Variants in KIF15 observed in about 807,000 individuals in gnomAD.
KIF15 encodes kinesin-like protein KIF15.
Under a neutral mutation model 190.6 loss-of-function variants are expected in KIF15, and 140 were observed. The ratio of observed to expected loss-of-function variants is 0.73; its 90% confidence interval spans 0.64 to 0.84. The LOEUF (loss-of-function observed/expected upper bound fraction) is 0.84, where lower values mean the gene tolerates loss of function less well. Ranked by LOEUF, KIF15 falls within the 40% of genes least tolerant of loss-of-function variation. The pLI is 0.00. For missense variants in KIF15, 1,372 were observed against 1,584.4 expected, an observed-to-expected ratio of 0.87 and a Z score of 2.28; for synonymous variants, 528 against 551.3, an observed-to-expected ratio of 0.96 and a Z score of 0.59.
chr3:44,856,877 A>G (rs1699195022), downstream of KIF15, among the ~76,000 whole-genome samples: 1 of 152,202 alleles, frequency 6.6e-6, no homozygotes, highest in Non-Finnish European at 1.5e-5. Context: ...GAGTCAGTAT[A>G]AATACTGACA....
chr3:44,820,865 G>T (rs1337214380), intron 20 of KIF15, among the ~76,000 whole-genome samples: 1 of 152,188 alleles, frequency 6.6e-6, no homozygotes, highest in African/African-American at 2.4e-5. Context: ...GAGCTGCCGG[G>T]CACACCTCCC....
In KIF15 at chr3:44,852,653, GT is replaced by G; in HGVS notation, c.4105-13del. On this transcript the variant is annotated intron_variant, in intron 34 of 34. Transcript: ENST00000326047. ...TTAGAGCCTTATTTTTTTTCTTTTT[GT>G]TTTTTTAAAATTACTTAGGAGACAG... 2 of 1,530,934 alleles carry G rather than the reference GT, an allele frequency of 1.3e-6. No homozygotes were observed. The highest frequency in any genetic ancestry group is 8.8e-7 in the Non-Finnish European group (1 of 1,138,054). The allele number at this position is 1,530,934 out of a possible 1,614,324, so 94.8% of individuals were successfully genotyped here.
chr3:44,797,582 G>C lies in KIF15; in HGVS notation c.881G>C (p.Cys294Ser). 2 of 1,614,072 alleles carry C rather than the reference G, an allele frequency of 1.2e-6. No individual in the cohort carries two copies. Among genetic ancestry groups the C allele is most frequent in the Non-Finnish European group, 1.7e-6 (2 of 1,179,986 alleles). The change falls in exon 9 of 35, where the codon TGC (cysteine) becomes TCC (serine). Residue 294 changes from cysteine to serine, a missense_variant. Transcript: ENST00000326047. ...GGTAACATAAATCGATCATTGAGCT[G>C]CCTGGGCCAAGTGATTACAGCACTT... ...EAGNINRSLS[C>S]LGQVITALVD...
At chr3:44,852,494 T>G (rs1699097184) in intron 34 of KIF15, among the ~76,000 whole-genome samples, 155 bp downstream of exon 34, 1 of 152,106 alleles carries the variant, frequency 6.6e-6, no homozygotes, top group Admixed American at 6.5e-5. Flanking sequence ...GTTGCTATTC[T>G]GAGCCTAATT....
intron 7 of KIF15, among the ~76,000 whole-genome samples, chr3:44,788,174 C>T (rs757040793): frequency 2.6e-5 from 4 of 152,080 alleles, no homozygotes; most frequent in Admixed American, 6.5e-5. Context: ...TTTTAAATTA[C>T]ATTTAGTGTT....
chr3:44,831,042 T>G, intron 26 of KIF15, 24 bp downstream of exon 26: 3 of 1,606,700 alleles, frequency 1.9e-6, no homozygotes, highest in South Asian at 2.2e-5. Flanking sequence ...CATCACAGCT[T>G]CTTTGTTTGC....
chr3:44,828,626 C>T (rs138899761), intron 24 of KIF15, among the ~76,000 whole-genome samples: 1,602 of 152,248 alleles, frequency 0.011, 19 homozygotes, highest in Middle Eastern at 0.027. Flanking sequence ...TTTCAAATTC[C>T]TGGTGTTGAC....
intron 6 of KIF15, chr3:44,862,138 G>A (rs2125738598): frequency 1.4e-5 from 17 of 1,197,072 alleles, no homozygotes; most frequent in East Asian, 3.4e-5. Context: ...GGCGCTGTTG[G>A]TGCTGCTGCT....
At chr3:44,861,573 T>C (rs1413646499) in intron 6 of KIF15, among the ~76,000 whole-genome samples, 1 of 151,712 alleles carries the variant, frequency 6.6e-6, no homozygotes, top group African/African-American at 2.4e-5. Context: ...GCGGGGCCCG[T>C]TAGGCATCTT....
intron 28 of KIF15, among the ~76,000 whole-genome samples, chr3:44,840,765 T>C (rs1233233202): frequency 6.8e-6 from 1 of 147,768 alleles, no homozygotes; most frequent in East Asian, 2.0e-4. Flanking sequence ...GTCTCCCAGG[T>C]TCAAGCAATT....
At chr3:44,816,257 T>A (rs1309325422) in intron 20 of KIF15, among the ~76,000 whole-genome samples, 2 of 152,144 alleles carry the variant, frequency 1.3e-5, no homozygotes, top group African/African-American at 4.8e-5. Flanking sequence ...TTTTTTTAAA[T>A]TTTACTTTAA....
At chr3:44,811,622 G>A (rs1483440614) in intron 17 of KIF15, among the ~76,000 whole-genome samples, 1 of 152,084 alleles carries the variant, frequency 6.6e-6, no homozygotes, top group African/African-American at 2.4e-5. Flanking sequence ...TCTAGCCTGG[G>A]CAACAAGAGT....
intron 7 of KIF15, among the ~76,000 whole-genome samples, chr3:44,787,534 C>G (rs7632431): frequency 6.6e-6 from 1 of 151,990 alleles, no homozygotes; most frequent in Non-Finnish European, 1.5e-5. Flanking sequence ...AGACTCCCCC[C>G]GGCGAGAGAT....
chr3:44,864,485 T>G (rs1575703210), intron 6 of KIF15: 1 of 941,896 alleles, frequency 1.1e-6, no homozygotes, highest in Non-Finnish European at 1.6e-6. Context: ...CCTGGATGAG[T>G]GCTCTATTCA....
At chr3:44,777,469 G>A (rs536304886) in intron 3 of KIF15, among the ~76,000 whole-genome samples, 3 of 152,154 alleles carry the variant, frequency 2.0e-5, no homozygotes, top group East Asian at 3.9e-4. Flanking sequence ...GGAGGTGGGC[G>A]GATCACGAGG....
At chr3:44,840,972 C>A in intron 28 of KIF15, 102 bp from the exon 29 acceptor site, 2 of 1,137,678 alleles carry the variant, frequency 1.8e-6, no homozygotes, top group Non-Finnish European at 2.5e-6. Context: ...CCATGCCCAG[C>A]CGTAGCTAGA....
intron 20 of KIF15, among the ~76,000 whole-genome samples, chr3:44,821,300 G>A (rs1418350482): frequency 1.3e-5 from 2 of 150,360 alleles, no homozygotes; most frequent in African/African-American, 5.0e-5. Flanking sequence ...TGGCCTGGCG[G>A]TGGGTGACCC....
At chr3:44,842,997 C>G (rs1698675744) in intron 29 of KIF15, 128 bp from the exon 30 acceptor site, 3 of 621,692 alleles carry the variant, frequency 4.8e-6, no homozygotes, top group Non-Finnish European at 5.5e-6. Context: ...TTTCATGCAG[C>G]AATACCCAGT....
chr3:44,821,221 C>T (rs1165255909), intron 20 of KIF15, among the ~76,000 whole-genome samples: 2 of 147,002 alleles, frequency 1.4e-5, no homozygotes, highest in Non-Finnish European at 3.0e-5. Context: ...AGGCGCCCCT[C>T]ACCTCCCGGA....
Sources: allele counts gnomAD v4.1 joint callset (sites outside exome capture counted in the v4.1 genomes callset), GRCh38; gene constraint gnomAD v4.1.1; transcripts MANE v1.5; gene names NCBI Gene and HGNC (gene_info 2026-07-23, HGNC 2026-07-21).